The following MGAT4C variants were observed in gnomAD, a reference collection of about 807,000 sequenced individuals.
MGAT4C encodes alpha-1,3-mannosyl-glycoprotein 4-beta-N-acetylglucosaminyltransferase C.
A neutral mutation model predicts 40.1 loss-of-function variants in MGAT4C; 19 were observed. That is an observed-to-expected ratio of 0.47 (90% CI 0.33 to 0.70). MGAT4C has a LOEUF of 0.70. Ranked by LOEUF, MGAT4C falls within the 30% of genes least tolerant of loss-of-function variation. The pLI is 0.02. For missense variants in MGAT4C, 491 were observed against 563.2 expected (o/e 0.87, Z 1.30); for synonymous variants, 181 against 187.1 (o/e 0.97, Z 0.27).
intron 1 of MGAT4C, among the ~76,000 whole-genome samples, chr12:86,183,235 G>A (rs1023161724): frequency 2.6e-5 from 4 of 151,744 alleles, no homozygotes; most frequent in African/African-American, 9.7e-5. Flanking sequence ...GTTTGTTCTG[G>A]AAAGGATCTG....
intron 2 of MGAT4C, among the ~76,000 whole-genome samples, chr12:86,441,415 G>C (rs1592851580): frequency 1.3e-5 from 2 of 151,450 alleles, no homozygotes; most frequent in Non-Finnish European, 2.9e-5. Context: ...TGTTACATAT[G>C]TATACATGTG....
Position 85,969,940 on chromosome 12 carries a change from C to A in MGAT4C, c.*9349G>T, listed in dbSNP as rs1034618026. 1.3e-5 allele frequency: 2 copies of A among 151,302 alleles called. No homozygotes were observed. Among genetic ancestry groups the A allele is most frequent in the African/African-American group, 4.8e-5 (2 of 41,342 alleles). 9.4% of individuals were successfully genotyped at this position (151,302 alleles called of 1,614,324 possible). On this transcript the variant is annotated 3_prime_UTR_variant, in exon 5 of 5. Coordinates refer to ENST00000611864, the MANE Select transcript of MGAT4C (RefSeq NM_001351288.2). ...ATCTTCACACAGTGTCTCATAGTTGCTTGGAACATATTTATGTAGTAAGCA... is the reference window on the plus strand; with the variant it reads ...ATCTTCACACAGTGTCTCATAGTTGATTGGAACATATTTATGTAGTAAGCA...
chr12:86,507,407 C>A (rs1417018840), intron 2 of MGAT4C, among the ~76,000 whole-genome samples: 1 of 152,094 alleles, frequency 6.6e-6, no homozygotes, highest in African/African-American at 2.4e-5. Context: ...TGTGCTTTGA[C>A]TTGAGGTTTG....
intron 1 of MGAT4C, among the ~76,000 whole-genome samples, chr12:86,188,927 C>T (rs1043543880): frequency 6.6e-6 from 1 of 151,646 alleles, no homozygotes; most frequent in Non-Finnish European, 1.5e-5. Flanking sequence ...ATAAATAATG[C>T]CTTTAAGTCA....
intron 2 of MGAT4C, among the ~76,000 whole-genome samples, chr12:86,702,477 G>C (rs1418648388): frequency 2.0e-5 from 3 of 152,084 alleles, no homozygotes; most frequent in Non-Finnish European, 4.4e-5. Flanking sequence ...CTCTTGTTAA[G>C]GGCTAATGCA....
At chr12:85,983,338 T>C (rs1884836841) in intron 4 of MGAT4C, among the ~76,000 whole-genome samples, 185 bp downstream of exon 4, 4 of 152,188 alleles carry the variant, frequency 2.6e-5, no homozygotes, top group Admixed American at 2.6e-4. Context: ...AATTTTTTTG[T>C]TATTAAGTGT....
At chr12:86,043,505 C>T (rs1892079019) in intron 2 of MGAT4C, among the ~76,000 whole-genome samples, 1 of 152,168 alleles carries the variant, frequency 6.6e-6, no homozygotes, top group Admixed American at 6.5e-5. Flanking sequence ...CTTCCACATT[C>T]TTCTACCTGC....
At chr12:86,463,666 ATTT>A (rs1957635067) in intron 2 of MGAT4C, among the ~76,000 whole-genome samples, 1 of 152,140 alleles carries the variant, frequency 6.6e-6, no homozygotes, top group African/African-American at 2.4e-5. Flanking sequence ...AAGAACATTC[ATTT>A]TTATTTGTTT....
At chr12:86,731,422 C>T (rs1485514727) in intron 1 of MGAT4C, among the ~76,000 whole-genome samples, 1 of 152,068 alleles carries the variant, frequency 6.6e-6, no homozygotes, top group Non-Finnish European at 1.5e-5. Context: ...GAGTCTATTT[C>T]CAGGGACACT....
chr12:86,769,027 T>C (rs1316634928), intron 1 of MGAT4C, among the ~76,000 whole-genome samples: 2 of 151,544 alleles, frequency 1.3e-5, no homozygotes, highest in East Asian at 1.9e-4. Context: ...TGGGATCTAA[T>C]TAAACGAAAG....
At chr12:86,649,563 G>C (rs935152951) in intron 2 of MGAT4C, among the ~76,000 whole-genome samples, 2 of 151,766 alleles carry the variant, frequency 1.3e-5, no homozygotes, top group East Asian at 3.9e-4. Context: ...GTTATAAGAA[G>C]AGAGTAAAGC....
intron 2 of MGAT4C, among the ~76,000 whole-genome samples, chr12:86,631,515 C>T (rs1717301193): frequency 6.6e-6 from 1 of 152,044 alleles, no homozygotes; most frequent in South Asian, 2.1e-4. Flanking sequence ...TACTACAAGG[C>T]TACAGTAACC....
intron 1 of MGAT4C, among the ~76,000 whole-genome samples, chr12:86,222,834 G>C (rs1054212317): frequency 3.3e-5 from 5 of 152,190 alleles, no homozygotes; most frequent in Admixed American, 6.5e-5. Context: ...AGAGAGAAGA[G>C]AAGCAAGTCG....
chr12:86,203,014 C>CTG (rs10587166), intron 1 of MGAT4C, among the ~76,000 whole-genome samples: 20,498 of 147,102 alleles, frequency 0.14, 1,450 homozygotes, highest in East Asian at 0.22. Flanking sequence ...TCACATTTTC[C>CTG]TGTGTGTGTG....
intron 3 of MGAT4C, among the ~76,000 whole-genome samples, chr12:86,382,332 G>A (rs1330059946): frequency 6.6e-6 from 1 of 152,324 alleles, no homozygotes; most frequent in South Asian, 2.1e-4. Flanking sequence ...TGTTGAACTA[G>A]AGAAAGATGA....
intron 1 of MGAT4C, among the ~76,000 whole-genome samples, chr12:86,756,481 A>T (rs1185454177): frequency 1.3e-5 from 2 of 151,968 alleles, no homozygotes; most frequent in Non-Finnish European, 2.9e-5. Flanking sequence ...TCTAAATAAC[A>T]CTAATAACTG....
intron 4 of MGAT4C, among the ~76,000 whole-genome samples, chr12:86,328,152 A>G (rs1481095869): frequency 6.6e-6 from 1 of 152,210 alleles, no homozygotes; most frequent in Non-Finnish European, 1.5e-5. Flanking sequence ...TATATGTACC[A>G]ATACCAATAA....
chr12:86,213,817 T>C (rs373471456), intron 1 of MGAT4C, among the ~76,000 whole-genome samples: 8 of 152,224 alleles, frequency 5.3e-5, no homozygotes, highest in Admixed American at 2.0e-4. Flanking sequence ...TATGGTTATG[T>C]GGACACAGAG....
At chr12:86,029,195 A>G (rs1471751603) in intron 2 of MGAT4C, among the ~76,000 whole-genome samples, 4 of 151,870 alleles carry the variant, frequency 2.6e-5, no homozygotes, top group Non-Finnish European at 4.4e-5. Context: ...CATCTTTCTA[A>G]TTTTCATAGA....
Sources: gnomAD v4.1 joint callset for allele counts (sites outside exome capture counted in the v4.1 genomes callset) on GRCh38, gnomAD v4.1.1 for gene constraint, MANE v1.5 for transcripts, NCBI Gene and HGNC (gene_info 2026-07-23, HGNC 2026-07-21) for gene names.